Variants in ORC1 observed in about 807,000 individuals in gnomAD.
ORC1 encodes origin recognition complex, subunit 1 homolog.
ORC1 carries 61 observed loss-of-function variants against 98.9 expected under a neutral mutation model. The observed-to-expected ratio is 0.62, with a 90% CI of 0.50 to 0.76. The LOEUF (loss-of-function observed/expected upper bound fraction) is 0.76. Among genes scored for constraint, ORC1 ranks in the 30% least tolerant of loss-of-function variants. The pLI is 0.00. For synonymous variants in ORC1, 385 were observed against 406.9 expected (o/e 0.95, Z 0.65); for missense variants, 979 against 1,072.2 (o/e 0.91, Z 1.21).
At chr1:52,386,175 T>C (rs1187453003) in intron 8 of ORC1, among the ~76,000 whole-genome samples, 2 of 152,166 alleles carry the variant, frequency 1.3e-5, no homozygotes, top group Non-Finnish European at 2.9e-5. Context: ...ATGTATAGTA[T>C]CAGGATTTAT....
rs1288155122 is a variant in ORC1 at position 52,404,346 on chromosome 1, AG to A, written c.-107del. The stretch of plus-strand genomic sequence containing the variant: ...TGCGGCACCTCTAACCTGCACCAGC[AG>A]GGCTCCTTCTACAACTACGGGCCGA... On this transcript the variant is annotated 5_prime_UTR_variant, in exon 1 of 17. Coordinates refer to ENST00000371568, the MANE Select transcript of ORC1 (RefSeq NM_004153.4). 1.2e-3 allele frequency: 191 copies of A among 162,656 alleles called. 3 individuals carry two copies. Among genetic ancestry groups the A allele is most frequent in the Non-Finnish European group, 1.2e-4 (9 of 72,862 alleles). The allele number at this position is 162,656 out of a possible 1,614,324, so 10.1% of individuals were successfully genotyped here.
At chr1:52,385,138 C>T in intron 10 of ORC1, 23 bp downstream of exon 10, 1 of 1,493,356 alleles carries the variant, frequency 6.7e-7, no homozygotes, top group South Asian at 1.1e-5. Flanking sequence ...CCCAAACTAC[C>T]CTGCCTGCCT....
upstream of ORC1, chr1:52,405,556 C>G: frequency 1.2e-6 from 1 of 808,960 alleles, no homozygotes; most frequent in South Asian, 1.7e-5. Flanking sequence ...GTTATTAATA[C>G]ACATTCGTTC....
intron 6 of ORC1, 54 bp downstream of exon 6, chr1:52,393,389 C>G: frequency 3.7e-6 from 6 of 1,610,396 alleles, no homozygotes; most frequent in Non-Finnish European, 5.1e-6. Flanking sequence ...GACTCACATA[C>G]TTCACGTGAT....
In ORC1 at chr1:52,375,566, G is replaced by C; in HGVS notation, c.2167C>G (p.Leu723Val). The change falls in exon 15 of 17, where the codon CTG becomes GTG. Residue 723 changes from leucine to valine, a missense_variant. Physicochemically the swap from Leu to Val is conservative, Grantham distance 32. Coordinates refer to ENST00000371568, the MANE Select transcript of ORC1 (RefSeq NM_004153.4). ...AALSGDARRC[L>V]DICRRATEIC... ...TCTGTGGCACGCCTGCAGATGTCCA[G>C]GCACCGTCGTGCATCTCCAGACAGT... 6.2e-7 allele frequency: 1 copy of C among 1,614,132 alleles called. No homozygotes were observed. Among genetic ancestry groups the C allele is most frequent in the South Asian group, 1.1e-5 (1 of 91,078 alleles).
At chr1:52,400,097 T>A (rs1033443307) in intron 3 of ORC1, among the ~76,000 whole-genome samples, 2 of 152,214 alleles carry the variant, frequency 1.3e-5, no homozygotes, top group Admixed American at 1.3e-4. Flanking sequence ...CTGCCTCTAC[T>A]GGACATTAGT....
intron 14 of ORC1, among the ~76,000 whole-genome samples, chr1:52,379,660 TAA>T (rs1262113362): frequency 1.3e-5 from 2 of 152,068 alleles, no homozygotes; most frequent in African/African-American, 4.8e-5. Context: ...TTTTTATAAA[TAA>T]AAGTTTTATT....
chr1:52,375,210 C>G (rs1409091891), intron 15 of ORC1, among the ~76,000 whole-genome samples: 1 of 150,744 alleles, frequency 6.6e-6, no homozygotes, highest in African/African-American at 2.4e-5. Flanking sequence ...TTTTTTTGTT[C>G]CTATCATAGC....
intron 3 of ORC1, 70 bp downstream of exon 3, chr1:52,401,292 A>C: frequency 6.3e-7 from 1 of 1,590,114 alleles, no homozygotes; most frequent in Non-Finnish European, 8.6e-7. Flanking sequence ...TGAACAAAAG[A>C]ATCCACAATC....
At chr1:52,390,277 C>T (rs1166136308) in intron 6 of ORC1, among the ~76,000 whole-genome samples, 1 of 152,208 alleles carries the variant, frequency 6.6e-6, no homozygotes, top group Non-Finnish European at 1.5e-5. Context: ...GGAGGCATCA[C>T]ATTACCTGAC....
chr1:52,385,070 A>G, intron 10 of ORC1, 91 bp downstream of exon 10: 3 of 865,296 alleles, frequency 3.5e-6, no homozygotes, highest in Non-Finnish European at 4.0e-6. Flanking sequence ...GATACTGGAG[A>G]AAGCCTGTAT....
upstream of ORC1, among the ~76,000 whole-genome samples, chr1:52,406,476 T>G (rs1214915320): frequency 6.6e-6 from 1 of 152,204 alleles, no homozygotes; most frequent in Non-Finnish European, 1.5e-5. Context: ...AGGTGGTGGT[T>G]AAGAGGTGTA....
At chr1:52,408,058 GAAAT>G (rs977904411), upstream of ORC1, among the ~76,000 whole-genome samples, 1 of 147,410 alleles carries the variant, frequency 6.8e-6, no homozygotes. Flanking sequence ...TCTGTCTCAA[GAAAT>G]AAATAAATAC....
chr1:52,385,763 G>C, intron 9 of ORC1, 89 bp downstream of exon 9: 1 of 843,294 alleles, frequency 1.2e-6, no homozygotes, highest in Non-Finnish European at 2.0e-6. Context: ...ACCTTTATTA[G>C]GTAGACCAGT....
At position 52,383,436 on chromosome 1, in the gene ORC1, C is replaced by G. The variant is rs918861075; in HGVS notation, c.1997G>C (p.Arg666Pro). The change falls in exon 13 of 17, where the codon CGG becomes CCG. Residue 666 changes from arginine to proline, a missense_variant. Coordinates refer to ENST00000371568, the MANE Select transcript of ORC1 (RefSeq NM_004153.4). ...AGAACCTACCAGTCGGCTGGACACC[C>G]GGTTCATCATGATTCGCTCTGGCAG... Reference protein sequence around the residue: ...MDLPERIMMNRVSSRLGLTRM... With the variant: ...MDLPERIMMNPVSSRLGLTRM... 6.2e-7 allele frequency: 1 copy of G among 1,612,672 alleles called. No individual in the cohort carries two copies. The highest frequency in any genetic ancestry group is 8.5e-7 in the Non-Finnish European group (1 of 1,180,028).
In ORC1 at chr1:52,383,874, T is replaced by C. The variant is rs139027440; in HGVS notation, c.1819A>G (p.Thr607Ala). The change falls in exon 12 of 17, where the codon ACC becomes GCC. Residue 607 changes from threonine to alanine, a missense_variant. Physicochemically the swap from Thr to Ala is moderately conservative, Grantham distance 58. Coordinates refer to ENST00000371568, the MANE Select transcript of ORC1 (RefSeq NM_004153.4). ...GTGGTTTCCTGAGGTGACCCTCGGG[T>C]GCAGAATTGCTTTGCCAGCAGTTCT... ...AAELLAKQFC[T>A]RGSPQETTVL... 3,493 of 1,614,194 alleles carry C rather than the reference T, an allele frequency of 2.2e-3. 5 individuals are homozygous for C. Among genetic ancestry groups the C allele is most frequent in the Non-Finnish European group, 2.6e-3 (3,066 of 1,180,034 alleles).
At chr1:52,404,999 T>C, upstream of ORC1, 1 of 1,241,024 alleles carries the variant, frequency 8.1e-7, no homozygotes, top group East Asian at 2.4e-5. Context: ...ATGTCGATCA[T>C]TCAGAAAAAT....
chr1:52,391,134 C>T (rs1377543824), intron 6 of ORC1, among the ~76,000 whole-genome samples: 6 of 151,538 alleles, frequency 4.0e-5, no homozygotes, highest in Non-Finnish European at 5.9e-5. Flanking sequence ...TATGGTGAAA[C>T]CCCGTCTCTA....
In ORC1 at chr1:52,373,387, T is replaced by C; in HGVS notation, c.2392-12A>G. 1 of 1,609,614 alleles carries C rather than the reference T, an allele frequency of 6.2e-7. No individual in the cohort carries two copies. ...TGTTGACTATATATCTAGACACAAATAGCAAGGCAAAGGTTAAGAGGAAAT... is the reference window on the plus strand; with the variant it reads ...TGTTGACTATATATCTAGACACAAACAGCAAGGCAAAGGTTAAGAGGAAAT... On this transcript the variant is annotated splice_polypyrimidine_tract_variant and intron_variant, in intron 16 of 16. Transcript: ENST00000371568.
Sources: allele counts gnomAD v4.1 joint callset (sites outside exome capture counted in the v4.1 genomes callset), GRCh38; gene constraint gnomAD v4.1.1; transcripts MANE v1.5; gene names NCBI Gene and HGNC (gene_info 2026-07-23, HGNC 2026-07-21).